The following IQSEC1 variants were observed in gnomAD, a reference collection of about 807,000 sequenced individuals.
IQSEC1 encodes the protein IQ motif and Sec7 domain ArfGEF 1, also known as IQ motif and SEC7 domain-containing protein 1.
Under a neutral mutation model 91.0 loss-of-function variants are expected in IQSEC1, and 31 were observed. That is an observed-to-expected ratio of 0.34 (90% CI 0.26 to 0.46). IQSEC1 has a LOEUF of 0.46. Ranked by LOEUF, IQSEC1 falls within the 20% of genes least tolerant of loss-of-function variation. IQSEC1 has a pLI of 1.00. For missense variants in IQSEC1, 1,388 were observed against 1,575.6 expected, an observed-to-expected ratio of 0.88 and a Z score of 2.02; for synonymous variants, 699 against 662.6, an observed-to-expected ratio of 1.05 and a Z score of -0.84.
chr3:12,953,783 G>A (rs1413677454), intron 1 of IQSEC1, among the ~76,000 whole-genome samples: 1 of 152,192 alleles, frequency 6.6e-6, no homozygotes, highest in Non-Finnish European at 1.5e-5. Context: ...TGACAGGAGT[G>A]ACAGTAACAT....
chr3:13,041,696 G>T (rs558957379), intron 1 of IQSEC1, among the ~76,000 whole-genome samples: 1 of 152,276 alleles, frequency 6.6e-6, no homozygotes, highest in East Asian at 1.9e-4. Flanking sequence ...GGCTTGTGGT[G>T]CCTGCAGCCC....
intron 1 of IQSEC1, among the ~76,000 whole-genome samples, chr3:13,191,477 A>ATTTTTTTTTTTTTTTT (rs57912681): frequency 4.3e-5 from 4 of 92,102 alleles, no homozygotes; most frequent in African/African-American, 1.7e-4. Flanking sequence ...CACCCAGCTA[A>ATTTTTTTTTTTTTTTT]TTTTTTTTTT....
Position 13,233,486 on chromosome 3 carries a change from G to A in IQSEC1, c.272+49225C>T, listed in dbSNP as rs562830566. On this transcript the variant is annotated intron_variant, in intron 1 of 15. Coordinates refer to the IQSEC1 transcript ENST00000648114. ...CATTTCCCAACCTCCACTCACCTGG[G>A]AGCCTCCTGTGGCAGGTTCCACAGT... 7.9e-5 allele frequency among the ~76,000 whole-genome samples: 12 copies of A among 152,320 alleles called. No homozygotes were observed. In the South Asian group the frequency reaches 2.5e-3, roughly 32 times the overall value.
At chr3:12,903,021 G>C (rs1260596212) in intron 12 of IQSEC1, among the ~76,000 whole-genome samples, 199 bp from the exon 13 acceptor site, 1 of 151,988 alleles carries the variant, frequency 6.6e-6, no homozygotes, top group Non-Finnish European at 1.5e-5. Context: ...GTGCAAGAAT[G>C]AATTTTAAAA....
chr3:13,083,839 C>G (rs11915973), intron 2 of IQSEC1, among the ~76,000 whole-genome samples: 45,848 of 152,200 alleles, frequency 0.3, 6,958 homozygotes, highest in Middle Eastern at 0.34. Context: ...ACCTTGTGCG[C>G]AGCCTGGCAT....
chr3:13,267,361 G>A (rs910139436), intron 1 of IQSEC1, among the ~76,000 whole-genome samples: 3 of 152,164 alleles, frequency 2.0e-5, no homozygotes, highest in East Asian at 1.9e-4. Context: ...CTGAACAGCC[G>A]AGGACAGACC....
At chr3:13,237,981 C>T (rs1394265784) in intron 1 of IQSEC1, among the ~76,000 whole-genome samples, 4 of 152,206 alleles carry the variant, frequency 2.6e-5, no homozygotes, top group African/African-American at 4.8e-5. Context: ...GCATGGGGGA[C>T]TGCAGAGCTG....
At position 13,243,122 on chromosome 3, in the gene IQSEC1, C is replaced by T. The variant is rs1187617414; in HGVS notation, c.272+39589G>A. On this transcript the variant is annotated intron_variant, in intron 1 of 15. Transcript: ENST00000648114. ...GAACAAGAGTAAATCCAGGTGAAGT[C>T]CCTTCGCACACAGAGATGCTCACAA... Among the ~76,000 whole-genome samples, 4 of 152,128 alleles carry T rather than the reference C, an allele frequency of 2.6e-5. No homozygotes were observed. The East Asian group carries it at 5.8e-4, about 22-fold the overall frequency.
chr3:12,942,527 C>G (rs924905048), intron 1 of IQSEC1, among the ~76,000 whole-genome samples: 3 of 151,846 alleles, frequency 2.0e-5, no homozygotes, highest in East Asian at 3.9e-4. Flanking sequence ...AGCATGAACC[C>G]GGGAAGCAGA....
chr3:12,899,367 G>GA lies in IQSEC1; in HGVS notation c.*1615_*1616insT. On this transcript the variant is annotated 3_prime_UTR_variant, in exon 14 of 14. Transcript: ENST00000613206. Reference sequence around the variant, plus strand: ...GGCCTCCGCCTGGGCAGGCGCCGGGGGGCAGTCCTCGGGTCCCATGGCTTA... The same window carrying GA: ...GGCCTCCGCCTGGGCAGGCGCCGGGGAGGCAGTCCTCGGGTCCCATGGCTTA... The GA allele has an allele frequency of 6.2e-7, 1 of 1,612,212 alleles. No individual in the cohort carries two copies. The highest frequency in any genetic ancestry group is 2.2e-5 in the East Asian group (1 of 44,848).
Position 12,979,112 on chromosome 3 carries a change from A to G in IQSEC1, c.24-37247T>C, listed in dbSNP as rs373696829. On this transcript the variant is annotated intron_variant, in intron 1 of 13. Transcript: ENST00000613206. This position sits in a 1 kb window ranked among gnomAD's most constrained non-coding sequence, Gnocchi z 4.3. ...GAGTGACCTGGGTTTAGTTTTCCCAACAACCACATAGCACCTGTATACATT... is the reference window on the plus strand; with the variant it reads ...GAGTGACCTGGGTTTAGTTTTCCCAGCAACCACATAGCACCTGTATACATT... 6.6e-6 allele frequency among the ~76,000 whole-genome samples: 1 copy of G among 152,216 alleles called. No homozygotes were observed. Among genetic ancestry groups the G allele is most frequent in the South Asian group, 2.1e-4 (1 of 4,836 alleles).
chr3:13,098,182 T>A (rs902562066), intron 2 of IQSEC1, among the ~76,000 whole-genome samples: 2 of 152,256 alleles, frequency 1.3e-5, no homozygotes, highest in Non-Finnish European at 2.9e-5. Flanking sequence ...AACTATGATG[T>A]GCAGCCTTCT....
chr3:12,944,240 C>G (rs1318968200), intron 1 of IQSEC1, among the ~76,000 whole-genome samples: 1 of 152,242 alleles, frequency 6.6e-6, no homozygotes, highest in Non-Finnish European at 1.5e-5. Context: ...TCCTTTGGAC[C>G]TGGTGTGTGT....
At position 12,955,890 on chromosome 3, in the gene IQSEC1, GT is replaced by G. The variant is rs11355310; in HGVS notation, c.24-14026del. 8.9e-3 allele frequency among the ~76,000 whole-genome samples: 1,349 copies of G among 152,130 alleles called. 24 individuals are homozygous for G. The highest frequency in any genetic ancestry group is 0.03 in the African/African-American group (1,260 of 41,408). Reference sequence around the variant, plus strand: ...CTGGAAGATAGATTCTGTGTGGGGGGTTCACGAGGTCTCCAATAGAGACTGG... The same window carrying G: ...CTGGAAGATAGATTCTGTGTGGGGGGTCACGAGGTCTCCAATAGAGACTGG... On this transcript the variant is annotated intron_variant, in intron 1 of 13. Transcript: ENST00000613206.
At chr3:13,234,492 T>C (rs1447761330) in intron 1 of IQSEC1, among the ~76,000 whole-genome samples, 1 of 152,158 alleles carries the variant, frequency 6.6e-6, no homozygotes, top group Admixed American at 6.5e-5. Flanking sequence ...GGAGACCCCC[T>C]CCCTTCCCTG....
chr3:13,165,024 A>G (rs358371), intron 1 of IQSEC1, among the ~76,000 whole-genome samples: 66,580 of 152,092 alleles, frequency 0.44, 14,702 homozygotes, highest in Admixed American at 0.52. Flanking sequence ...CCTTCAGCAT[A>G]GAAAGCCCCA....
chr3:13,229,995 AT>A (rs1694817017), intron 1 of IQSEC1, among the ~76,000 whole-genome samples: 1 of 152,268 alleles, frequency 6.6e-6, no homozygotes, highest in South Asian at 2.1e-4. Context: ...TATACAGGAA[AT>A]ATGAGGGGAC....
rs754750900 is a variant in IQSEC1, at chr3:12,899,510, TCAC to T, written c.*1470_*1472del. The T allele has an allele frequency of 6.6e-5, 103 of 1,557,656 alleles. No homozygotes were observed. The highest frequency in any genetic ancestry group is 7.7e-5 in the Non-Finnish European group (88 of 1,148,428). On this transcript the variant is annotated 3_prime_UTR_variant, in exon 14 of 14. Coordinates refer to ENST00000613206, the MANE Select transcript of IQSEC1 (RefSeq NM_001134382.3). ...GTCTGGCCCTGGGGAGCGCATGGTG[TCAC>T]CACAACACAGAAGCGACAAGAGCAC...
chr3:13,139,305 T>C (rs1706761450), intron 2 of IQSEC1, among the ~76,000 whole-genome samples: 1 of 152,216 alleles, frequency 6.6e-6, no homozygotes, highest in Admixed American at 6.5e-5. Context: ...TATTATTTTG[T>C]AACAGAAAGA....
Sources: gnomAD v4.1 joint callset for allele counts (sites outside exome capture counted in the v4.1 genomes callset) on GRCh38, gnomAD v4.1.1 for gene constraint, Gnocchi (gnomAD v3.1) non-coding constraint, MANE v1.5 for transcripts, NCBI Gene and HGNC (gene_info 2026-07-23, HGNC 2026-07-21) for gene names.